The following SGCZ variants were observed in gnomAD, a reference collection of about 807,000 sequenced individuals.
SGCZ encodes the protein zeta-sarcoglycan.
In SGCZ, 40 loss-of-function variants were observed where a neutral mutation model predicts 41.3. That is an observed-to-expected ratio of 0.97 (90% confidence interval 0.75 to 1.26). SGCZ has a LOEUF of 1.26. Among genes scored for constraint, SGCZ ranks in the 50% most tolerant of loss-of-function variants. The pLI, the probability that SGCZ is intolerant of heterozygous loss-of-function variation, is 0.00. For synonymous variants in SGCZ, 206 were observed against 137.5 expected, an observed-to-expected ratio of 1.50 and a Z score of -3.49; for missense variants, 552 against 369.8, an observed-to-expected ratio of 1.49 and a Z score of -4.04.
intron 5 of SGCZ, among the ~76,000 whole-genome samples, chr8:14,151,405 T>A (rs893285692): frequency 6.6e-6 from 1 of 151,916 alleles, no homozygotes; most frequent in Non-Finnish European, 1.5e-5. Context: ...TAATTTATGC[T>A]GAAGTTTAAA....
At chr8:14,361,085 C>G (rs1036046467) in intron 2 of SGCZ, among the ~76,000 whole-genome samples, 1 of 152,208 alleles carries the variant, frequency 6.6e-6, no homozygotes, top group Non-Finnish European at 1.5e-5. Flanking sequence ...TGCATATCCT[C>G]TTTAGTAAAA....
chr8:14,164,986 C>A (rs1804165493), intron 4 of SGCZ: 1 of 315,628 alleles, frequency 3.2e-6, no homozygotes, highest in African/African-American at 2.2e-5. Context: ...CAAAAAGAGA[C>A]AATGTTTGCT....
At chr8:15,044,651 T>A (rs540584604) in intron 1 of SGCZ, among the ~76,000 whole-genome samples, 58 of 152,212 alleles carry the variant, frequency 3.8e-4, no homozygotes, top group African/African-American at 1.2e-3. Flanking sequence ...GAGGATAGGT[T>A]ATACGAAAAT....
At chr8:14,294,463 A>G (rs529044881) in intron 3 of SGCZ, among the ~76,000 whole-genome samples, 1 of 152,096 alleles carries the variant, frequency 6.6e-6, no homozygotes, top group South Asian at 2.1e-4. Flanking sequence ...ATTCTAGAAG[A>G]AAATATATAA....
rs148225121 is a variant in SGCZ at position 14,208,928 on chromosome 8, A to G, written c.424+28664T>C. 1.3e-3 allele frequency among the ~76,000 whole-genome samples: 202 copies of G among 152,254 alleles called. 1 individual carries two copies. The highest frequency in any genetic ancestry group is 4.6e-3 in the African/African-American group (190 of 41,550). Reference sequence around the variant, plus strand: ...GAAAGGTAGCCCCCAAATTATTTCCATTTCTAACAAAAAGCAGCCTGTAAA... The same window carrying G: ...GAAAGGTAGCCCCCAAATTATTTCCGTTTCTAACAAAAAGCAGCCTGTAAA... On this transcript the variant is annotated intron_variant, in intron 4 of 7. Coordinates refer to ENST00000382080, the MANE Select transcript of SGCZ (RefSeq NM_139167.4).
chr8:14,573,797 T>G (rs960591929), intron 1 of SGCZ, among the ~76,000 whole-genome samples: 2 of 152,072 alleles, frequency 1.3e-5, no homozygotes, highest in Non-Finnish European at 2.9e-5. Context: ...CTTAGGAAGC[T>G]TATAGGAATT....
At chr8:14,829,498 A>G (rs890213380) in intron 1 of SGCZ, among the ~76,000 whole-genome samples, 8 of 152,192 alleles carry the variant, frequency 5.3e-5, no homozygotes, top group Non-Finnish European at 1.0e-4. Flanking sequence ...TTGAACATCA[A>G]TAGGAAAGTA....
chr8:14,676,803 T>C (rs910271246), intron 1 of SGCZ, among the ~76,000 whole-genome samples: 9 of 151,910 alleles, frequency 5.9e-5, no homozygotes, highest in Admixed American at 2.0e-4. Flanking sequence ...AAACAAGAAA[T>C]AAAGCGTATT....
intron 2 of SGCZ, among the ~76,000 whole-genome samples, chr8:14,486,888 A>T (rs948128059): frequency 2.0e-5 from 3 of 152,242 alleles, no homozygotes; most frequent in Non-Finnish European, 4.4e-5. Flanking sequence ...GTATTAGCAT[A>T]CATCTCTCAT....
chr8:14,152,922 G>T (rs116937550), intron 5 of SGCZ, among the ~76,000 whole-genome samples: 1 of 152,114 alleles, frequency 6.6e-6, no homozygotes, highest in African/African-American at 2.4e-5. Context: ...AAGAAAATCC[G>T]GAAAGGTAAG....
chr8:15,014,937 A>C (rs529700043), intron 1 of SGCZ, among the ~76,000 whole-genome samples: 88 of 152,336 alleles, frequency 5.8e-4, no homozygotes, highest in African/African-American at 2.0e-3. Context: ...TCTTCTCATT[A>C]GGGGCCTCAA....
intron 1 of SGCZ, among the ~76,000 whole-genome samples, chr8:14,640,375 T>A (rs897657258): frequency 6.6e-6 from 1 of 151,680 alleles, no homozygotes; most frequent in Non-Finnish European, 1.5e-5. Context: ...TGTCTTCTAG[T>A]TCCCATTCCC....
chr8:14,936,356 T>A (rs1037013027), intron 1 of SGCZ, among the ~76,000 whole-genome samples: 1 of 151,978 alleles, frequency 6.6e-6, no homozygotes, highest in Non-Finnish European at 1.5e-5. Context: ...CTACCTTAAA[T>A]GCTCAGAATA....
At chr8:14,664,429 A>T (rs1460406105) in intron 1 of SGCZ, among the ~76,000 whole-genome samples, 2 of 152,184 alleles carry the variant, frequency 1.3e-5, no homozygotes, top group Non-Finnish European at 2.9e-5. Flanking sequence ...AAGAAATACC[A>T]ATATTTGTTT....
intron 1 of SGCZ, among the ~76,000 whole-genome samples, chr8:14,921,636 G>C (rs752181196): frequency 3.3e-5 from 5 of 151,920 alleles, no homozygotes; most frequent in Non-Finnish European, 5.9e-5. Flanking sequence ...ATAAATAGTA[G>C]TAGCCAGAAT....
intron 1 of SGCZ, among the ~76,000 whole-genome samples, chr8:14,826,610 T>C (rs1802330251): frequency 6.6e-6 from 1 of 152,176 alleles, no homozygotes; most frequent in Non-Finnish European, 1.5e-5. Context: ...TTCCTGACTT[T>C]TTAATGATCG....
chr8:14,394,371 G>C (rs912997797), intron 2 of SGCZ, among the ~76,000 whole-genome samples: 1 of 151,866 alleles, frequency 6.6e-6, no homozygotes, highest in East Asian at 1.9e-4. Flanking sequence ...GGATGGTCTC[G>C]ATCTCCTGAC....
rs754910848 is a variant in SGCZ, at chr8:14,825,424, G to A, written c.40-270498C>T. On this transcript the variant is annotated intron_variant, in intron 1 of 7. Transcript: ENST00000382080. ...GAAGAACTCAAAAAATATAAAAATC[G>A]TTTCATCATTTTTAGACAATTAAAA... 5.3e-5 allele frequency among the ~76,000 whole-genome samples: 8 copies of A among 152,004 alleles called. No individual in the cohort carries two copies. The East Asian group carries it at 5.8e-4, about 11-fold the overall frequency.
rs1585663329 is a variant in SGCZ, at chr8:15,196,579, G to T, written c.39+41006C>A. Among the ~76,000 whole-genome samples, 4 of 149,846 alleles carry T rather than the reference G, an allele frequency of 2.7e-5. 1 individual carries two copies. The highest frequency in any genetic ancestry group is 2.7e-4 in the Admixed American group (4 of 15,056). ...CCAAAGTTTTCATTTGACTACAGAA[G>T]AAACCACCCCTAAAATGTAGTGACT... On this transcript the variant is annotated intron_variant, in intron 1 of 7. Coordinates refer to ENST00000382080, the MANE Select transcript of SGCZ (RefSeq NM_139167.4).
Sources: gnomAD v4.1 joint callset for allele counts (sites outside exome capture counted in the v4.1 genomes callset) on GRCh38, gnomAD v4.1.1 for gene constraint, MANE v1.5 for transcripts, NCBI Gene and HGNC (gene_info 2026-07-23, HGNC 2026-07-21) for gene names.